The following RALGPS2 variants were observed in gnomAD, a reference collection of about 807,000 sequenced individuals.
RALGPS2 encodes the protein ras-specific guanine nucleotide-releasing factor RalGPS2.
RALGPS2 carries 43 observed loss-of-function variants against 86.8 expected under a neutral mutation model. That is an observed-to-expected ratio of 0.50 (90% confidence interval 0.39 to 0.64). The LOEUF is 0.64. RALGPS2 is among the 30% of genes least tolerant of loss of function. The pLI is 0.00. For synonymous variants in RALGPS2, 243 were observed against 231.3 expected (o/e 1.05, Z -0.46); for missense variants, 536 against 694.6 (o/e 0.77, Z 2.57).
intron 4 of RALGPS2, among the ~76,000 whole-genome samples, chr1:178,802,554 CAT>C (rs1034515307): frequency 6.6e-6 from 1 of 152,126 alleles, no homozygotes; most frequent in African/African-American, 2.4e-5. Context: ...AGGAACTGCT[CAT>C]GTGGAGATAA....
At position 178,921,327 on chromosome 1, in the gene RALGPS2, C is replaced by T. The variant is rs963250497; in HGVS notation, c.*4968C>T. On this transcript the variant is annotated 3_prime_UTR_variant, in exon 20 of 20. Transcript: ENST00000367635. ...ATAAATAATAGCTGTGCTTTAGATA[C>T]CAGATAACAAATATTGTTTCCCCTG... 6.6e-6 allele frequency: 1 copy of T among 151,818 alleles called. No homozygotes were observed. Among genetic ancestry groups the T allele is most frequent in the African/African-American group, 2.4e-5 (1 of 41,346 alleles). 9.4% of individuals were successfully genotyped at this position (151,818 alleles called of 1,614,324 possible).
intron 9 of RALGPS2, 78 bp downstream of exon 9, chr1:178,877,713 T>A: frequency 6.6e-7 from 1 of 1,521,240 alleles, no homozygotes; most frequent in Non-Finnish European, 9.0e-7. Context: ...TGATGATCAC[T>A]TTTCACACAG....
At chr1:178,906,889 C>T in intron 19 of RALGPS2, 22 bp downstream of exon 19, 1 of 1,599,882 alleles carries the variant, frequency 6.3e-7, no homozygotes, top group South Asian at 1.1e-5. Context: ...TCCTAATTCT[C>T]AGAATAGTCC....
intron 2 of RALGPS2, among the ~76,000 whole-genome samples, chr1:178,781,511 T>G (rs1653394363): frequency 6.6e-6 from 1 of 152,196 alleles, no homozygotes; most frequent in Non-Finnish European, 1.5e-5. Context: ...GTGAACATTA[T>G]TGCTTAGTGT....
At chr1:178,825,342 G>C (rs1302116853) in intron 7 of RALGPS2, among the ~76,000 whole-genome samples, 1 of 152,084 alleles carries the variant, frequency 6.6e-6, no homozygotes, top group Non-Finnish European at 1.5e-5. Context: ...AGTAAAAGGA[G>C]GAAGATGATG....
intron 16 of RALGPS2, 70 bp from the exon 17 acceptor site, chr1:178,897,594 A>G (rs1660004047): frequency 7.9e-7 from 1 of 1,262,142 alleles, no homozygotes. Context: ...GATCATTGGC[A>G]CTTAGAATGT....
intron 5 of RALGPS2, among the ~76,000 whole-genome samples, chr1:178,810,821 A>G (rs1012429420): frequency 1.3e-5 from 2 of 152,112 alleles, no homozygotes; most frequent in African/African-American, 2.4e-5. Context: ...TTAGATTTGT[A>G]TAAGTGAACC....
chr1:178,876,329 G>A (rs994937070), intron 8 of RALGPS2, among the ~76,000 whole-genome samples: 3 of 151,892 alleles, frequency 2.0e-5, no homozygotes, highest in African/African-American at 7.3e-5. Context: ...TTTTAAATTG[G>A]GCTATAAGTG....
chr1:178,894,155 C>T (rs1029041413), intron 16 of RALGPS2, 131 bp downstream of exon 16: 1 of 577,552 alleles, frequency 1.7e-6, no homozygotes, highest in Non-Finnish European at 2.9e-6. Flanking sequence ...AAATAAGGTC[C>T]TCCCCTCTTA....
At chr1:178,807,234 G>A (rs1654786993) in intron 4 of RALGPS2, among the ~76,000 whole-genome samples, 1 of 152,172 alleles carries the variant, frequency 6.6e-6, no homozygotes, top group South Asian at 2.1e-4. Flanking sequence ...TACTTGGAAG[G>A]CTGAGGTGGA....
chr1:178,780,624 T>C (rs914887385), intron 2 of RALGPS2, among the ~76,000 whole-genome samples: 2 of 152,176 alleles, frequency 1.3e-5, no homozygotes, highest in Non-Finnish European at 2.9e-5. Flanking sequence ...CTTAACAGTC[T>C]AATGAGAGAA....
intron 19 of RALGPS2, among the ~76,000 whole-genome samples, chr1:178,907,700 A>G (rs1406042558): frequency 6.6e-6 from 1 of 152,254 alleles, no homozygotes; most frequent in East Asian, 1.9e-4. Flanking sequence ...GACTTAGCAT[A>G]TTGATAATGC....
At chr1:178,747,355 G>A in intron 1 of RALGPS2, 1 of 1,533,452 alleles carries the variant, frequency 6.5e-7, no homozygotes, top group Non-Finnish European at 9.0e-7. Flanking sequence ...CACCACTATT[G>A]ATATTTTCTA....
intron 4 of RALGPS2, among the ~76,000 whole-genome samples, chr1:178,790,146 C>G (rs1653882201): frequency 6.6e-6 from 1 of 151,936 alleles, no homozygotes; most frequent in Non-Finnish European, 1.5e-5. Context: ...GAGACAGGGT[C>G]TCGTTGTGCT....
At chr1:178,812,199 G>C (rs1259294067) in intron 6 of RALGPS2, among the ~76,000 whole-genome samples, 1 of 152,114 alleles carries the variant, frequency 6.6e-6, no homozygotes, top group Middle Eastern at 3.2e-3. Context: ...GGGAGTTTTG[G>C]GGGAGGGGGT....
chr1:178,752,529 C>CAAT (rs1438021112), intron 1 of RALGPS2, among the ~76,000 whole-genome samples: 1 of 151,656 alleles, frequency 6.6e-6, no homozygotes, highest in African/African-American at 2.4e-5. Context: ...CAAAGAGAAG[C>CAAT]AAAAAGCAAT....
intron 16 of RALGPS2, among the ~76,000 whole-genome samples, chr1:178,896,290 A>G (rs1558176272): frequency 6.6e-6 from 1 of 152,010 alleles, no homozygotes; most frequent in Non-Finnish European, 1.5e-5. Flanking sequence ...GCAAGAAGTT[A>G]TGCTGTGAAA....
intron 17 of RALGPS2, among the ~76,000 whole-genome samples, chr1:178,898,621 C>T (rs1660042358): frequency 6.6e-6 from 1 of 151,960 alleles, no homozygotes; most frequent in South Asian, 2.1e-4. Flanking sequence ...ATCATCATGA[C>T]TCATTGTCTT....
At position 178,883,528 on chromosome 1, in the gene RALGPS2, T is replaced by C. The variant is rs1188887996; in HGVS notation, c.899T>C (p.Leu300Ser). The C allele has an allele frequency of 5.0e-6, 8 of 1,610,138 alleles. No homozygotes were observed. The South Asian group carries it at 8.8e-5, about 18-fold the overall frequency. The change falls in exon 11 of 20, where the codon TTA becomes TCA. Residue 300 changes from leucine (L) to serine (S), a missense_variant. This residue lies in a region of RALGPS2 where 309 missense variants were observed against 363.0 expected (regional missense o/e 0.85). Coordinates refer to ENST00000367635, the MANE Select transcript of RALGPS2 (RefSeq NM_152663.5). Reference sequence around the variant, plus strand: ...CGTTCTGCTGCTTCCAGAGAAGATTTAGTAGGTCAGTACGTAGTTTTCTCT... The same window carrying C: ...CGTTCTGCTGCTTCCAGAGAAGATTCAGTAGGTCAGTACGTAGTTTTCTCT... ...TPRSAASRED[L>S]VGPEVGASPQ...
Sources: gnomAD v4.1 joint callset for allele counts (sites outside exome capture counted in the v4.1 genomes callset) on GRCh38, gnomAD v4.1.1 for gene constraint, gnomAD v4.1.1 regional missense constraint, MANE v1.5 for transcripts, NCBI Gene and HGNC (gene_info 2026-07-23, HGNC 2026-07-21) for gene names.